The following SLC20A1 variants were observed in gnomAD, a reference collection of about 807,000 sequenced individuals.
The protein encoded by SLC20A1 is sodium-dependent phosphate transporter 1.
Under a neutral mutation model 62.7 loss-of-function variants are expected in SLC20A1, and 28 were observed. The observed-to-expected ratio is 0.45, with a 90% CI of 0.33 to 0.61. The LOEUF is 0.61. SLC20A1 is among the 20% of genes least tolerant of loss of function. SLC20A1 has a pLI of 0.02. For missense variants in SLC20A1, 673 were observed against 838.6 expected, an observed-to-expected ratio of 0.80 and a Z score of 2.44; for synonymous variants, 305 against 302.9, an observed-to-expected ratio of 1.01 and a Z score of -0.07.
chr2:112,647,579 C>T (rs1686318437), intron 3 of SLC20A1, 74 bp from the exon 4 acceptor site: 5 of 1,579,054 alleles, frequency 3.2e-6, no homozygotes, highest in Middle Eastern at 1.7e-4. Context: ...ATTTTGAACT[C>T]TTAAACATTT....
intron 9 of SLC20A1, 46 bp from the exon 10 acceptor site, chr2:112,661,096 A>G (rs754323911): frequency 2.0e-6 from 3 of 1,499,092 alleles, no homozygotes; most frequent in Non-Finnish European, 1.9e-6. Flanking sequence ...TAGCTTCTCA[A>G]AAAAGTCAAA....
At chr2:112,661,867 G>A (rs547461310) in intron 10 of SLC20A1, among the ~76,000 whole-genome samples, 43 of 152,016 alleles carry the variant, frequency 2.8e-4, no homozygotes, top group Non-Finnish European at 2.1e-4. Flanking sequence ...TATGTTCTTT[G>A]CCTTTGGGGA....
At chr2:112,655,341 CT>C (rs918403485) in intron 5 of SLC20A1, among the ~76,000 whole-genome samples, 1 of 151,906 alleles carries the variant, frequency 6.6e-6, no homozygotes, top group African/African-American at 2.4e-5. Flanking sequence ...CAAACAGTCC[CT>C]GACTTCATGG....
chr2:112,648,099 C>T (rs936363937), intron 4 of SLC20A1, among the ~76,000 whole-genome samples: 2 of 152,092 alleles, frequency 1.3e-5, no homozygotes, highest in African/African-American at 4.8e-5. Context: ...GAGTTCAAGA[C>T]AGTGTCCCCT....
Position 112,663,197 on chromosome 2 carries a change from G to A in SLC20A1, c.*172G>A, listed in dbSNP as rs1303659397. 1 of 805,906 alleles carries A rather than the reference G, an allele frequency of 1.2e-6. No individual in the cohort carries two copies. Among genetic ancestry groups the A allele is most frequent in the African/African-American group, 1.7e-5 (1 of 58,822 alleles). 49.9% of individuals were successfully genotyped at this position (805,906 alleles called of 1,614,324 possible). Reference sequence around the variant, plus strand: ...ACTGCTTTTGTGCTAAATATGAATTGTCTCAAAATTAGCTGTGTAAAATAG... The same window carrying A: ...ACTGCTTTTGTGCTAAATATGAATTATCTCAAAATTAGCTGTGTAAAATAG... On this transcript the variant is annotated 3_prime_UTR_variant, in exon 11 of 11. Coordinates refer to ENST00000272542, the MANE Select transcript of SLC20A1 (RefSeq NM_005415.5).
At chr2:112,654,373 C>T (rs965539442) in intron 5 of SLC20A1, among the ~76,000 whole-genome samples, 1 of 152,168 alleles carries the variant, frequency 6.6e-6, no homozygotes, top group African/African-American at 2.4e-5. Context: ...AGAAGCAAAG[C>T]TCAGAGATGA....
intron 6 of SLC20A1, 118 bp downstream of exon 6, chr2:112,657,359 A>G: frequency 1.9e-6 from 2 of 1,040,922 alleles, no homozygotes; most frequent in Non-Finnish European, 2.7e-6. Context: ...TTAAAGGGAA[A>G]TTTGAGGATA....
intron 4 of SLC20A1, among the ~76,000 whole-genome samples, chr2:112,648,778 TG>T (rs1686351271): frequency 6.6e-6 from 1 of 152,272 alleles, no homozygotes; most frequent in Non-Finnish European, 1.5e-5. Flanking sequence ...TTGATATTTA[TG>T]GACTCCTAAG....
Position 112,658,950 on chromosome 2 carries a change from G to A in SLC20A1, c.904G>A (p.Gly302Arg). The A allele has an allele frequency of 6.2e-7, 1 of 1,614,180 alleles. No individual in the cohort carries two copies. Among genetic ancestry groups the A allele is most frequent in the Non-Finnish European group, 8.5e-7 (1 of 1,180,042 alleles). The change falls in exon 7 of 11, where the codon GGG (glycine) becomes AGG (arginine). Residue 302 changes from glycine to arginine, a missense_variant. Coordinates refer to ENST00000272542, the MANE Select transcript of SLC20A1 (RefSeq NM_005415.5). ...IENKHPVSEV[G>R]PATVPLQAVV... ...AAACAAGCATCCTGTTTCTGAGGTAGGGCCTGCCACTGTGCCCCTCCAGGC... is the reference window on the plus strand; with the variant it reads ...AAACAAGCATCCTGTTTCTGAGGTAAGGCCTGCCACTGTGCCCCTCCAGGC...
intron 9 of SLC20A1, 94 bp from the exon 10 acceptor site, chr2:112,661,048 A>G (rs1331089909): frequency 2.4e-6 from 2 of 847,466 alleles, no homozygotes; most frequent in Admixed American, 1.8e-5. Context: ...GTGACTGAGT[A>G]GAACAAAGCA....
At chr2:112,653,412 G>A (rs1686493263) in intron 5 of SLC20A1, 1 of 162,682 alleles carries the variant, frequency 6.1e-6, no homozygotes, top group African/African-American at 2.4e-5. Flanking sequence ...GGCGCTACAA[G>A]TTTAATTTAG....
chr2:112,652,763 T>C lies in SLC20A1; in HGVS notation c.623T>C (p.Ile208Thr), dbSNP rs752597232. The change falls in exon 5 of 11, where the codon ATA becomes ACA. Residue 208 changes from isoleucine to threonine, a missense_variant. Transcript: ENST00000272542. ...GTTTTCTATGCCTGCACAGTTGGAA[T>C]AAACCTCTTTTCCATCATGTATACT... ...LPVFYACTVG[I>T]NLFSIMYTGA... 1.1e-5 allele frequency: 17 copies of C among 1,614,008 alleles called. No homozygotes were observed. In the Admixed American group the frequency reaches 2.8e-4, roughly 27 times the overall value.
At chr2:112,651,731 T>G (rs1283606196) in intron 4 of SLC20A1, among the ~76,000 whole-genome samples, 5 of 152,232 alleles carry the variant, frequency 3.3e-5, no homozygotes, top group African/African-American at 1.2e-4. Flanking sequence ...GGTGTTTGAC[T>G]TGGGTGTTCT....
intron 4 of SLC20A1, among the ~76,000 whole-genome samples, chr2:112,648,821 G>A (rs993563064): frequency 3.9e-5 from 6 of 152,210 alleles, no homozygotes; most frequent in South Asian, 2.1e-4. Flanking sequence ...AGACAGGTAC[G>A]ATAAGCATCT....
chr2:112,653,678 A>G (rs903710281), intron 5 of SLC20A1, among the ~76,000 whole-genome samples: 4 of 149,264 alleles, frequency 2.7e-5, no homozygotes, highest in Non-Finnish European at 4.5e-5. Context: ...TTTTCTTAAC[A>G]TTTGTTGTGG....
intron 10 of SLC20A1, among the ~76,000 whole-genome samples, chr2:112,661,728 T>C (rs1348679043): frequency 6.6e-6 from 1 of 152,170 alleles, no homozygotes; most frequent in Non-Finnish European, 1.5e-5. Context: ...TTTGTATTTT[T>C]AGTAGACACA....
chr2:112,662,896 G>T lies in SLC20A1; in HGVS notation c.1911G>T (p.Arg637=), dbSNP rs762708509. The T allele has an allele frequency of 1.2e-5, 19 of 1,614,022 alleles. No homozygotes were observed. The highest frequency in any genetic ancestry group is 1.5e-5 in the Non-Finnish European group (18 of 1,180,030). ...VGSVVSVGWL[R]SKKAVDWRLF... is the part of the protein sequence containing the mutation. ...CTGTTGTGTCTGTTGGCTGGCTCCG[G>T]TCCAAGAAGGCTGTTGACTGGCGTC... Residue 637 remains arginine (R), a synonymous_variant, in exon 11 of 11, where the codon CGG becomes CGT. Transcript: ENST00000272542.
rs763700351 is a variant in SLC20A1 at position 112,663,181 on chromosome 2, G to T, written c.*156G>T. 1 of 885,798 alleles carries T rather than the reference G, an allele frequency of 1.1e-6. No individual in the cohort carries two copies. Among genetic ancestry groups the T allele is most frequent in the East Asian group, 2.6e-5 (1 of 38,854 alleles). The allele number at this position is 885,798 out of a possible 1,614,324, so 54.9% of individuals were successfully genotyped here. On this transcript the variant is annotated 3_prime_UTR_variant, in exon 11 of 11. Transcript: ENST00000272542. Reference sequence around the variant, plus strand: ...TGTTACTTGTGCTATAACTGCTTTTGTGCTAAATATGAATTGTCTCAAAAT... The same window carrying T: ...TGTTACTTGTGCTATAACTGCTTTTTTGCTAAATATGAATTGTCTCAAAAT...
chr2:112,654,905 A>AAG (rs1281262842), intron 5 of SLC20A1, among the ~76,000 whole-genome samples: 2 of 151,040 alleles, frequency 1.3e-5, no homozygotes, highest in Non-Finnish European at 2.9e-5. Flanking sequence ...CAAAAAAAAA[A>AAG]AAAAAAAGTT....
Sources: allele counts gnomAD v4.1 joint callset (sites outside exome capture counted in the v4.1 genomes callset), GRCh38; gene constraint gnomAD v4.1.1; transcripts MANE v1.5; gene names NCBI Gene and HGNC (gene_info 2026-07-23, HGNC 2026-07-21).